PRKDC: variants seen among roughly 807,000 people sequenced by gnomAD.
PRKDC encodes the protein protein kinase, DNA-activated, catalytic subunit, also known as DNA-dependent protein kinase catalytic subunit.
In PRKDC, 82 loss-of-function variants were observed where a neutral mutation model predicts 486.9. That is an observed-to-expected ratio of 0.17 (90% CI 0.14 to 0.20). The LOEUF is 0.20. PRKDC is among the 10% of genes least tolerant of loss of function. The probability of loss-of-function intolerance (pLI) is 1.00; values close to 1 mark genes in which losing one functional copy is unlikely to be tolerated. For missense variants in PRKDC, 4,504 were observed against 5,038.2 expected (o/e 0.89, Z 3.21); for synonymous variants, 1,895 against 1,837.0 (o/e 1.03, Z -0.81).
At position 47,958,350 on chromosome 8, in the gene PRKDC, G is replaced by A. The variant is rs185748348; in HGVS notation, c.155-919C>T. Among the ~76,000 whole-genome samples, 6 of 152,324 alleles carry A rather than the reference G, an allele frequency of 3.9e-5. No individual in the cohort carries two copies. The East Asian group carries it at 1.2e-3, about 29-fold the overall frequency. ...CTCCCCAAGAGCCTTCAGAAAGAAA[G>A]CAGCCCTGTCTGGTACTTTGGTTCT... On this transcript the variant is annotated intron_variant, in intron 1 of 85. Transcript: ENST00000314191.
In PRKDC at chr8:47,831,816, T is replaced by C. The variant is rs1281730024; in HGVS notation, c.8263A>G (p.Lys2755Glu). The C allele has an allele frequency of 1.2e-6, 2 of 1,613,652 alleles. No individual in the cohort carries two copies. The highest frequency in any genetic ancestry group is 8.5e-7 in the Non-Finnish European group (1 of 1,179,552). ...CAAATTCTTGACAAGATACAAACCT[T>C]CTCTCGTTTTTGCTCAGCAACGCCT... Reference protein sequence around the residue: ...RKGVAEQKREKEIKSELKMKQ... With the variant: ...RKGVAEQKREEEIKSELKMKQ... Residue 2755 changes from lysine (K) to glutamate (E), a missense_variant and splice_region_variant, in exon 60 of 86, where the codon AAG becomes GAG. Lys to Glu is a moderately conservative substitution (Grantham distance 56). Transcript: ENST00000314191.
In PRKDC at chr8:47,933,998, G is replaced by A. The variant is rs753715592; in HGVS notation, c.1590C>T (p.Leu530=). 2.5e-6 allele frequency: 4 copies of A among 1,613,316 alleles called. No homozygotes were observed. Among genetic ancestry groups the A allele is most frequent in the Non-Finnish European group, 2.5e-6 (3 of 1,179,820 alleles). Residue 530 remains leucine (L), a synonymous_variant, in exon 15 of 86, where the codon CTC becomes CTT. Transcript: ENST00000314191. ...GGTCAGAGCTCAGGAGATGTCTGAA[G>A]AGATCCACGTAGTCTTTGTATGTGG... is the stretch of plus-strand genomic sequence containing the variant. ...KVPTYKDYVD[L]FRHLLSSDQM...
At chr8:47,913,052 T>C (rs894289952) in intron 24 of PRKDC, among the ~76,000 whole-genome samples, 2 of 152,232 alleles carry the variant, frequency 1.3e-5, no homozygotes, top group Non-Finnish European at 2.9e-5. Flanking sequence ...CTCACTTTGT[T>C]AGCATTTTTA....
intron 15 of PRKDC, 114 bp downstream of exon 15, chr8:47,933,850 GT>G (rs2090300235): frequency 2.6e-6 from 3 of 1,162,090 alleles, no homozygotes; most frequent in Non-Finnish European, 3.4e-6. Context: ...GAAGTACACT[GT>G]TTTAAACTTT....
At chr8:47,867,130 G>A (rs1006046179) in intron 40 of PRKDC, among the ~76,000 whole-genome samples, 1 of 152,166 alleles carries the variant, frequency 6.6e-6, no homozygotes, top group African/African-American at 2.4e-5. Flanking sequence ...TCTTTGCAAT[G>A]AAGAATTAAA....
chr8:47,887,969 C>A (rs2089372841), intron 34 of PRKDC, among the ~76,000 whole-genome samples: 1 of 152,196 alleles, frequency 6.6e-6, no homozygotes, highest in Non-Finnish European at 1.5e-5. Context: ...AATCCTCCCA[C>A]CTCAGCCTCC....
intron 11 of PRKDC, among the ~76,000 whole-genome samples, chr8:47,938,588 T>TA (rs1563813608): frequency 6.6e-6 from 1 of 152,112 alleles, no homozygotes; most frequent in Non-Finnish European, 1.5e-5. Context: ...TTTTAAGAGA[T>TA]AGTGTCTCTG....
chr8:47,783,876 C>G, intron 77 of PRKDC, 67 bp from the exon 78 acceptor site: 1 of 1,450,266 alleles, frequency 6.9e-7, no homozygotes, highest in South Asian at 1.1e-5. Flanking sequence ...TAAAACATGC[C>G]TCTTGATCTA....
intron 22 of PRKDC, 91 bp downstream of exon 22, chr8:47,918,186 A>C: frequency 1.2e-6 from 1 of 865,766 alleles, no homozygotes; most frequent in Non-Finnish European, 1.7e-6. Flanking sequence ...AAAAACAACT[A>C]ACATTTTAAA....
chr8:47,936,446 C>A lies in PRKDC; in HGVS notation c.1185G>T (p.Met395Ile). The change falls in exon 12 of 86, where the codon ATG (methionine) becomes ATT (isoleucine). Residue 395 changes from methionine to isoleucine, a missense_variant. This residue lies in a region of PRKDC where 1,969 missense variants were observed against 2,068.9 expected (regional missense o/e 0.95). Coordinates refer to ENST00000314191, the MANE Select transcript of PRKDC (RefSeq NM_006904.7). Reference protein sequence around the residue: ...YVELIQRCKQMFLTQTDTGDD... With the variant: ...YVELIQRCKQIFLTQTDTGDD... ...CACCAGTGTCTGTCTGGGTGAGGAACATCTGCTTGCAGCGCTGAATGAGCT... is the reference window on the plus strand; with the variant it reads ...CACCAGTGTCTGTCTGGGTGAGGAAAATCTGCTTGCAGCGCTGAATGAGCT... 1 of 1,614,026 alleles carries A rather than the reference C, an allele frequency of 6.2e-7. No individual in the cohort carries two copies. Among genetic ancestry groups the A allele is most frequent in the Non-Finnish European group, 8.5e-7 (1 of 1,179,902 alleles).
chr8:47,815,366 A>G (rs756735534), intron 68 of PRKDC, among the ~76,000 whole-genome samples: 1 of 152,218 alleles, frequency 6.6e-6, no homozygotes, highest in Non-Finnish European at 1.5e-5. Flanking sequence ...CTAGATAGAT[A>G]TCTATATGGA....
chr8:47,854,514 A>AT (rs1286669506), intron 50 of PRKDC, among the ~76,000 whole-genome samples: 11 of 151,770 alleles, frequency 7.2e-5, no homozygotes, highest in Non-Finnish European at 1.0e-4. Flanking sequence ...AATTTTTTGT[A>AT]TTTTTTTAGT....
intron 36 of PRKDC, 37 bp downstream of exon 36, chr8:47,885,907 C>CAAAA (rs56185430): frequency 6.3e-7 from 1 of 1,582,114 alleles, no homozygotes; most frequent in African/African-American, 1.4e-5. Context: ...AACAAACAAA[C>CAAAA]AAAAAAAACA....
At chr8:47,895,214 A>T (rs1255282933) in intron 30 of PRKDC, among the ~76,000 whole-genome samples, 1 of 152,208 alleles carries the variant, frequency 6.6e-6, no homozygotes, top group African/African-American at 2.4e-5. Flanking sequence ...AAAAGGAAAA[A>T]AATAAAAGAA....
intron 21 of PRKDC, 102 bp downstream of exon 21, chr8:47,927,092 T>C (rs2090168496): frequency 4.5e-6 from 5 of 1,122,790 alleles, no homozygotes; most frequent in Non-Finnish European, 6.2e-6. Context: ...TTGAACACAC[T>C]GGGCTTAAAT....
chr8:47,859,202 G>A (rs944565478), intron 46 of PRKDC, among the ~76,000 whole-genome samples: 1 of 152,144 alleles, frequency 6.6e-6, no homozygotes, highest in African/African-American at 2.4e-5. Context: ...TCCCCGTCCC[G>A]TCTGCCCAGT....
intron 13 of PRKDC, among the ~76,000 whole-genome samples, chr8:47,935,357 G>A (rs553038235): frequency 2.3e-4 from 35 of 152,032 alleles, no homozygotes; most frequent in Admixed American, 1.3e-3. Context: ...AAAATTAGCC[G>A]GGCATGGTGG....
chr8:47,915,189 ATAT>A (rs1260860268), intron 23 of PRKDC, 136 bp downstream of exon 23: 23 of 535,110 alleles, frequency 4.3e-5, no homozygotes, highest in Admixed American at 1.2e-4. Context: ...ATTAGGCAAG[ATAT>A]TATTCTTTAT....
chr8:47,927,865 T>C lies in PRKDC; in HGVS notation c.2165A>G (p.Lys722Arg), dbSNP rs1022234381. The C allele has an allele frequency of 6.3e-7, 1 of 1,588,250 alleles. No individual in the cohort carries two copies. Among genetic ancestry groups the C allele is most frequent in the Non-Finnish European group, 8.6e-7 (1 of 1,168,652 alleles). Reference protein sequence around the residue: ...KEVAVKMKQYKDELLASCLTF... With the variant: ...KEVAVKMKQYRDELLASCLTF... ...CAAACAAGAGGCCAAAAGTTCATCT[T>C]TGTACTGCTTCATTTTAACTGCCAC... is the stretch of plus-strand genomic sequence containing the variant. Residue 722 changes from lysine (K) to arginine (R), a missense_variant, in exon 20 of 86, where the codon AAA becomes AGA. By Grantham distance (26) the Lys-to-Arg change is conservative (BLOSUM62 2). Transcript: ENST00000314191.
Sources: allele counts gnomAD v4.1 joint callset (sites outside exome capture counted in the v4.1 genomes callset), GRCh38; gene constraint gnomAD v4.1.1; regional missense constraint gnomAD v4.1.1; transcripts MANE v1.5; gene names NCBI Gene and HGNC (gene_info 2026-07-23, HGNC 2026-07-21).